Variants in GSE1 observed in about 807,000 individuals in gnomAD.
The protein encoded by GSE1 is Gse1 coiled-coil protein.
GSE1 carries 32 observed loss-of-function variants against 112.6 expected under a neutral mutation model. The observed-to-expected ratio is 0.28, with a 90% CI of 0.21 to 0.38. The LOEUF is 0.38. GSE1 is among the 10% of genes least tolerant of loss of function. The pLI is 1.00. For synonymous variants in GSE1, 1,115 were observed against 735.6 expected (o/e 1.52, Z -8.35); for missense variants, 2,348 against 1,699.2 (o/e 1.38, Z -6.71).
At chr16:85,549,488 C>G (rs1461463317) in intron 2 of GSE1, among the ~76,000 whole-genome samples, 1 of 152,178 alleles carries the variant, frequency 6.6e-6, no homozygotes, top group African/African-American at 2.4e-5. Flanking sequence ...ATGTAGACAT[C>G]ACTTTTGGCA....
chr16:85,238,826 T>C (rs1228174746), intron 1 of GSE1, among the ~76,000 whole-genome samples: 1 of 152,192 alleles, frequency 6.6e-6, no homozygotes, highest in African/African-American at 2.4e-5. Flanking sequence ...TCCACAGGGC[T>C]CCTTCCTTCC....
chr16:85,228,441 G>C (rs1246283230), intron 1 of GSE1, among the ~76,000 whole-genome samples: 1 of 152,204 alleles, frequency 6.6e-6, no homozygotes, highest in African/African-American at 2.4e-5. Context: ...CGAAGGCCCA[G>C]GCTTCCAGGT....
At chr16:85,547,828 G>A (rs1298660061) in intron 2 of GSE1, among the ~76,000 whole-genome samples, 3 of 148,042 alleles carry the variant, frequency 2.0e-5, no homozygotes, top group South Asian at 2.1e-4. Flanking sequence ...GTAGTGAGCC[G>A]AGATGACACC....
chr16:85,301,652 G>T (rs188822685), intron 1 of GSE1, among the ~76,000 whole-genome samples: 37 of 152,268 alleles, frequency 2.4e-4, no homozygotes, highest in South Asian at 1.2e-3. Flanking sequence ...CCCTCGTCTC[G>T]GCTCTGTTGC....
At chr16:85,580,769 C>A (rs1262188143) in intron 1 of GSE1, among the ~76,000 whole-genome samples, 1 of 152,212 alleles carries the variant, frequency 6.6e-6, no homozygotes. Flanking sequence ...GGATTAGTGT[C>A]CTCACAGGAG....
At position 85,613,356 on chromosome 16, in the gene GSE1, C is replaced by T. The variant is rs371154038; in HGVS notation, c.-36C>T. Reference sequence around the variant, plus strand: ...AAACACTGGGCGACGGTGGCTCCAGCATGTATCAGCCGAGGTGGAGCTGCG... The same window carrying T: ...AAACACTGGGCGACGGTGGCTCCAGTATGTATCAGCCGAGGTGGAGCTGCG... On this transcript the variant is annotated 5_prime_UTR_variant, in exon 1 of 16. Coordinates refer to ENST00000253458, the MANE Select transcript of GSE1 (RefSeq NM_014615.5). 6 of 1,568,252 alleles carry T rather than the reference C, an allele frequency of 3.8e-6. No individual in the cohort carries two copies. The highest frequency in any genetic ancestry group is 2.4e-5 in the East Asian group (1 of 41,970).
chr16:85,360,641 G>A (rs919164643), intron 2 of GSE1, among the ~76,000 whole-genome samples: 3 of 152,168 alleles, frequency 2.0e-5, no homozygotes, highest in Non-Finnish European at 4.4e-5. Flanking sequence ...GCGGGTGCAG[G>A]GGGAGGGGGC....
chr16:85,334,676 C>A (rs1380074796), intron 1 of GSE1, among the ~76,000 whole-genome samples: 1 of 152,174 alleles, frequency 6.6e-6, no homozygotes, highest in Non-Finnish European at 1.5e-5. Flanking sequence ...AGCCATTTTT[C>A]TTCCCCCTAA....
At chr16:85,242,043 C>T (rs559205919) in intron 1 of GSE1, among the ~76,000 whole-genome samples, 1 of 152,188 alleles carries the variant, frequency 6.6e-6, no homozygotes, top group Admixed American at 6.5e-5. Flanking sequence ...CTGCCTCTGC[C>T]CTGAGCCCTC....
chr16:85,402,096 C>A (rs1224318360), intron 2 of GSE1, among the ~76,000 whole-genome samples: 1 of 152,236 alleles, frequency 6.6e-6, no homozygotes, highest in Admixed American at 6.5e-5. Flanking sequence ...TTGAGAACCA[C>A]TGGCCCAGAG....
intron 1 of GSE1, among the ~76,000 whole-genome samples, chr16:85,226,112 G>C (rs1443490568): frequency 1.3e-5 from 2 of 152,172 alleles, no homozygotes; most frequent in African/African-American, 4.8e-5. Context: ...GCCACACCCT[G>C]CCACTCCACC....
chr16:85,562,105 C>G (rs2045547904), intron 1 of GSE1, among the ~76,000 whole-genome samples: 1 of 152,262 alleles, frequency 6.6e-6, no homozygotes, highest in African/African-American at 2.4e-5. Flanking sequence ...CTAATGGGAT[C>G]TGACTCAGAT....
At chr16:85,330,818 CT>C (rs1000109491) in intron 1 of GSE1, among the ~76,000 whole-genome samples, 6 of 152,214 alleles carry the variant, frequency 3.9e-5, no homozygotes, top group African/African-American at 1.4e-4. Flanking sequence ...CACATCTTCC[CT>C]GTCTTTCTCT....
At chr16:85,666,491 T>C in intron 13 of GSE1, 144 bp downstream of exon 13, 1 of 755,336 alleles carries the variant, frequency 1.3e-6, no homozygotes, top group Non-Finnish European at 2.2e-6. Context: ...ATTTCGTTAT[T>C]ATGCCAAAAC....
intron 2 of GSE1, among the ~76,000 whole-genome samples, chr16:85,464,532 G>C (rs1014784746): frequency 6.6e-6 from 1 of 152,240 alleles, no homozygotes; most frequent in African/African-American, 2.4e-5. Context: ...CTCACCAGCT[G>C]TGTGACCTTG....
At chr16:85,525,902 C>A (rs963773722) in intron 2 of GSE1, among the ~76,000 whole-genome samples, 8 of 152,202 alleles carry the variant, frequency 5.3e-5, no homozygotes, top group African/African-American at 1.9e-4. Flanking sequence ...TGAGCCTGAG[C>A]TCGCGGCCCT....
At chr16:85,665,790 A>G (rs1052548040) in intron 12 of GSE1, among the ~76,000 whole-genome samples, 186 bp from the exon 13 acceptor site, 1 of 152,110 alleles carries the variant, frequency 6.6e-6, no homozygotes, top group Non-Finnish European at 1.5e-5. Context: ...TGGACTTGCC[A>G]CTAAACACCC....
intron 1 of GSE1, among the ~76,000 whole-genome samples, chr16:85,259,899 C>G (rs531617337): frequency 6.6e-6 from 1 of 152,234 alleles, no homozygotes. Context: ...TTGACCTACC[C>G]CAGCCCAGCT....
chr16:85,568,232 G>GA (rs2045840824), intron 1 of GSE1, among the ~76,000 whole-genome samples: 2 of 152,336 alleles, frequency 1.3e-5, no homozygotes, highest in Admixed American at 1.3e-4. Flanking sequence ...TCTGCTTCTG[G>GA]AGTTTCCTGA....
Sources: gnomAD v4.1 joint callset for allele counts (sites outside exome capture counted in the v4.1 genomes callset) on GRCh38, gnomAD v4.1.1 for gene constraint, MANE v1.5 for transcripts, NCBI Gene and HGNC (gene_info 2026-07-23, HGNC 2026-07-21) for gene names.